NRXN1: variants seen among roughly 807,000 people sequenced by gnomAD.
NRXN1 encodes neurexin-1.
A neutral mutation model predicts 150.9 loss-of-function variants in NRXN1; 39 were observed. That is an observed-to-expected ratio of 0.26 (90% CI 0.20 to 0.34). The LOEUF is 0.34. Among genes scored for constraint, NRXN1 ranks in the 10% least tolerant of loss-of-function variants. The pLI, the probability that NRXN1 is intolerant of heterozygous loss-of-function variation, is 1.00. For missense variants in NRXN1, 1,815 were observed against 1,949.9 expected, an observed-to-expected ratio of 0.93 and a Z score of 1.30; for synonymous variants, 924 against 757.0, an observed-to-expected ratio of 1.22 and a Z score of -3.62.
chr2:50,421,528 A>G (rs559457022), intron 17 of NRXN1, among the ~76,000 whole-genome samples: 82 of 152,266 alleles, frequency 5.4e-4, no homozygotes, highest in Non-Finnish European at 1.0e-3. Context: ...ACATGAAACA[A>G]TATAATTCAG....
chr2:50,366,664 G>C (rs1271400227), intron 17 of NRXN1, among the ~76,000 whole-genome samples: 1 of 151,916 alleles, frequency 6.6e-6, no homozygotes, highest in Non-Finnish European at 1.5e-5. Flanking sequence ...CTTAAAGGTA[G>C]GTTTTGGTAG....
intron 2 of NRXN1, among the ~76,000 whole-genome samples, chr2:50,954,657 G>A (rs1294597292): frequency 6.6e-6 from 1 of 152,192 alleles, no homozygotes; most frequent in Non-Finnish European, 1.5e-5. Context: ...CAGGGAAGCT[G>A]GAGGAATAAC....
intron 17 of NRXN1, among the ~76,000 whole-genome samples, chr2:50,373,842 A>G (rs2080287724): frequency 6.6e-6 from 1 of 152,064 alleles, no homozygotes; most frequent in Non-Finnish European, 1.5e-5. Flanking sequence ...ATTAGCCCCA[A>G]AGTTATTTGT....
intron 5 of NRXN1, chr2:50,632,774 T>C (rs930400164): frequency 1.3e-5 from 2 of 152,042 alleles, no homozygotes; most frequent in Non-Finnish European, 2.9e-5. Context: ...CCAGATGAAT[T>C]ATTTTGCATC....
At chr2:51,006,992 G>C (rs1375748312) in intron 2 of NRXN1, among the ~76,000 whole-genome samples, 1 of 151,792 alleles carries the variant, frequency 6.6e-6, no homozygotes, top group African/African-American at 2.4e-5. Flanking sequence ...AACACCAATA[G>C]AGCAGTGACC....
intron 17 of NRXN1, among the ~76,000 whole-genome samples, chr2:50,319,941 C>G (rs553485044): frequency 4.6e-5 from 7 of 152,100 alleles, no homozygotes; most frequent in Admixed American, 3.3e-4. Context: ...AGGACATGCT[C>G]ACTTTGGCAA....
intron 17 of NRXN1, among the ~76,000 whole-genome samples, chr2:50,298,558 C>G (rs1215601555): frequency 1.3e-5 from 2 of 151,922 alleles, no homozygotes; most frequent in African/African-American, 4.8e-5. Flanking sequence ...AGCAAAATCA[C>G]CAACTTAAAA....
At chr2:50,551,586 G>A (rs117336813) in intron 9 of NRXN1, among the ~76,000 whole-genome samples, 1 of 152,076 alleles carries the variant, frequency 6.6e-6, no homozygotes, top group African/African-American at 2.4e-5. Flanking sequence ...AGTTGGTTGG[G>A]GGTGGGTGAA....
chr2:50,339,137 G>A (rs2077381925), intron 17 of NRXN1, among the ~76,000 whole-genome samples: 1 of 152,148 alleles, frequency 6.6e-6, no homozygotes, highest in African/African-American at 2.4e-5. Flanking sequence ...CATCATGGCA[G>A]AAGTGTTGTC....
intron 21 of NRXN1, among the ~76,000 whole-genome samples, chr2:50,038,310 G>A (rs2152574237): frequency 6.6e-6 from 1 of 152,338 alleles, no homozygotes; most frequent in African/African-American, 2.4e-5. Context: ...CAGCCAGGAG[G>A]AAGTGTCACT....
intron 8 of NRXN1, among the ~76,000 whole-genome samples, chr2:50,569,022 TA>T (rs1670266917): frequency 6.6e-6 from 1 of 152,140 alleles, no homozygotes; most frequent in Admixed American, 6.6e-5. Context: ...GTCATATTGT[TA>T]AGTGAAATAA....
intron 8 of NRXN1, among the ~76,000 whole-genome samples, chr2:50,584,011 G>A (rs1672691911): frequency 6.6e-6 from 1 of 152,168 alleles, no homozygotes; most frequent in South Asian, 2.1e-4. Context: ...GAATTGACAA[G>A]AGTCTAGTGA....
intron 21 of NRXN1, among the ~76,000 whole-genome samples, chr2:49,961,549 C>A (rs1406581225): frequency 1.3e-5 from 2 of 152,050 alleles, no homozygotes; most frequent in Non-Finnish European, 2.9e-5. Context: ...ACACAACAAT[C>A]AGCAGTTTCA....
intron 13 of NRXN1, among the ~76,000 whole-genome samples, chr2:50,503,013 GAAGT>G (rs1285052876): frequency 1.3e-5 from 2 of 151,968 alleles, no homozygotes; most frequent in African/African-American, 4.8e-5. Flanking sequence ...GTTATTCCGA[GAAGT>G]AAGAAAAGGG....
At chr2:50,497,954 T>G (rs1371059140) in intron 13 of NRXN1, among the ~76,000 whole-genome samples, 2 of 151,850 alleles carry the variant, frequency 1.3e-5, no homozygotes, top group African/African-American at 2.4e-5. Context: ...AATATCCTCA[T>G]TAACAAAAGT....
chr2:50,672,328 T>G (rs1158886765), intron 5 of NRXN1, among the ~76,000 whole-genome samples: 5 of 151,974 alleles, frequency 3.3e-5, no homozygotes, highest in Non-Finnish European at 4.4e-5. Context: ...TTTTGTTTGT[T>G]TTTTAAAGTG....
chr2:50,374,163 G>A (rs1448069608), intron 17 of NRXN1, among the ~76,000 whole-genome samples: 2 of 151,744 alleles, frequency 1.3e-5, no homozygotes, highest in South Asian at 4.2e-4. Context: ...CGGCTGTAGT[G>A]GGGGCACACC....
intron 2 of NRXN1, among the ~76,000 whole-genome samples, chr2:50,964,214 A>C (rs1693681667): frequency 6.6e-6 from 1 of 151,578 alleles, no homozygotes; most frequent in Non-Finnish European, 1.5e-5. Flanking sequence ...AATCATCTCA[A>C]ACTTTCTGCC....
intron 8 of NRXN1, among the ~76,000 whole-genome samples, chr2:50,598,141 GAA>G (rs1014522007): frequency 7.4e-6 from 1 of 135,352 alleles, no homozygotes; most frequent in African/African-American, 2.7e-5. Flanking sequence ...GCGTCTCAAA[GAA>G]AAAAAAAAAA....
Sources: allele counts gnomAD v4.1 joint callset (sites outside exome capture counted in the v4.1 genomes callset), GRCh38; gene constraint gnomAD v4.1.1; transcripts MANE v1.5; gene names NCBI Gene and HGNC (gene_info 2026-07-23, HGNC 2026-07-21).